CADM2: variants seen among roughly 807,000 people sequenced by gnomAD.
CADM2 encodes the protein immunoglobulin superfamily member 4D.
A neutral mutation model predicts 49.8 loss-of-function variants in CADM2; 12 were observed. The observed-to-expected ratio is 0.24, with a 90% confidence interval of 0.15 to 0.39. The LOEUF (loss-of-function observed/expected upper bound fraction) is 0.39. Among genes scored for constraint, CADM2 ranks in the 10% least tolerant of loss-of-function variants. CADM2 has a pLI of 1.00. For synonymous variants in CADM2, 214 were observed against 175.4 expected (o/e 1.22, Z -1.74); for missense variants, 378 against 492.3 (o/e 0.77, Z 2.20).
intron 8 of CADM2, among the ~76,000 whole-genome samples, chr3:86,062,609 C>A (rs148808675): frequency 6.6e-6 from 1 of 151,560 alleles, no homozygotes; most frequent in Non-Finnish European, 1.5e-5. Context: ...GAAACCCTGT[C>A]TCTACTAAAA....
At chr3:85,528,286 A>C (rs538186664) in intron 1 of CADM2, among the ~76,000 whole-genome samples, 1 of 151,646 alleles carries the variant, frequency 6.6e-6, no homozygotes, top group Non-Finnish European at 1.5e-5. Context: ...AAAGTAGCTT[A>C]GTTCAAGAGT....
intron 5 of CADM2, among the ~76,000 whole-genome samples, chr3:85,907,910 C>CAA (rs1257950513): frequency 2.8e-5 from 3 of 105,756 alleles, no homozygotes; most frequent in East Asian, 2.8e-4. Context: ...GACTCTGTCT[C>CAA]AAAAAAAAAA....
At chr3:86,062,134 C>A (rs1389007187) in intron 8 of CADM2, among the ~76,000 whole-genome samples, 6 of 151,988 alleles carry the variant, frequency 3.9e-5, no homozygotes. Flanking sequence ...GATGTATGAA[C>A]AAAAATGATT....
In CADM2 at chr3:85,898,937, G is replaced by GTGTATATATATATATATA. The variant is rs796467067; in HGVS notation, c.529+12611_529+12612insGTATATATATATATATAT. Among the ~76,000 whole-genome samples, 308 of 46,652 alleles carry GTGTATATATATATATATA rather than the reference G, an allele frequency of 6.6e-3. 40 individuals are homozygous for GTGTATATATATATATATA. The highest frequency in any genetic ancestry group is 0.025 in the African/African-American group (217 of 8,668). 30.6% of individuals were successfully genotyped at this position (46,652 alleles called of 152,430 possible). On this transcript the variant is annotated intron_variant, in intron 5 of 9. Transcript: ENST00000383699. ...TCATAAAATCCAATTCATTTATTGT[G>GTGTATATATATATATATA]TATATATATATATATATATTTTTTT... is the stretch of plus-strand genomic sequence containing the variant.
At chr3:86,033,906 C>A (rs965472412) in intron 8 of CADM2, among the ~76,000 whole-genome samples, 3 of 150,250 alleles carry the variant, frequency 2.0e-5, no homozygotes, top group Admixed American at 6.7e-5. Context: ...CAATTTTATA[C>A]TTAAACCAGC....
intron 1 of CADM2, among the ~76,000 whole-genome samples, chr3:85,598,148 T>G (rs557956589): frequency 2.6e-5 from 4 of 152,072 alleles, no homozygotes; most frequent in Non-Finnish European, 4.4e-5. Flanking sequence ...ATTCCAGACA[T>G]TGTGCTAACT....
At chr3:85,540,116 T>A (rs1347522062) in intron 1 of CADM2, among the ~76,000 whole-genome samples, 3 of 152,138 alleles carry the variant, frequency 2.0e-5, no homozygotes, top group Non-Finnish European at 4.4e-5. Context: ...TCAGCTTGCA[T>A]ATTATCATGT....
At chr3:85,410,533 T>C (rs2035607707) in intron 1 of CADM2, among the ~76,000 whole-genome samples, 1 of 152,198 alleles carries the variant, frequency 6.6e-6, no homozygotes, top group Non-Finnish European at 1.5e-5. Flanking sequence ...TATTTTCTAC[T>C]GTAATTGTGG....
intron 1 of CADM2, among the ~76,000 whole-genome samples, chr3:85,367,880 A>T (rs1195088875): frequency 1.3e-5 from 2 of 151,886 alleles, no homozygotes; most frequent in Non-Finnish European, 2.9e-5. Flanking sequence ...AGACACGCAG[A>T]TACAGCTGAG....
intron 1 of CADM2, among the ~76,000 whole-genome samples, chr3:85,451,804 G>C (rs563948984): frequency 2.0e-5 from 3 of 152,086 alleles, no homozygotes; most frequent in African/African-American, 7.2e-5. Context: ...GTATTTAGGA[G>C]CACAATAACA....
At chr3:85,097,422 C>A (rs1200847782) in intron 1 of CADM2, among the ~76,000 whole-genome samples, 1 of 152,070 alleles carries the variant, frequency 6.6e-6, no homozygotes. Context: ...GGGTTGGTTC[C>A]AAGTCTTTGC....
At chr3:85,499,439 A>G (rs1181560805) in intron 1 of CADM2, among the ~76,000 whole-genome samples, 13 of 151,998 alleles carry the variant, frequency 8.6e-5, no homozygotes, top group Admixed American at 8.5e-4. Flanking sequence ...AAACTCTGAC[A>G]TTCTCATTGG....
At chr3:85,343,913 G>A (rs2030241141) in intron 1 of CADM2, among the ~76,000 whole-genome samples, 1 of 152,150 alleles carries the variant, frequency 6.6e-6, no homozygotes, top group African/African-American at 2.4e-5. Context: ...TTACTGAGAA[G>A]GCACTGTGTG....
intron 2 of CADM2, among the ~76,000 whole-genome samples, chr3:85,766,132 A>T (rs1343282716): frequency 6.6e-6 from 1 of 152,044 alleles, no homozygotes; most frequent in Non-Finnish European, 1.5e-5. Flanking sequence ...AGTAATACCT[A>T]ATTTTTACAA....
At chr3:85,590,017 T>A (rs1002168534) in intron 1 of CADM2, among the ~76,000 whole-genome samples, 2 of 151,992 alleles carry the variant, frequency 1.3e-5, no homozygotes, top group African/African-American at 4.8e-5. Context: ...GACACTTTTG[T>A]GGAATGTACA....
chr3:85,753,816 A>G (rs957718084), intron 2 of CADM2, among the ~76,000 whole-genome samples: 2 of 152,170 alleles, frequency 1.3e-5, no homozygotes, highest in African/African-American at 4.8e-5. Context: ...CTGCCAGAGA[A>G]GAAAGAATTC....
At chr3:85,815,361 A>T (rs764717659) in intron 3 of CADM2, among the ~76,000 whole-genome samples, 15 of 152,134 alleles carry the variant, frequency 9.9e-5, no homozygotes, top group Non-Finnish European at 1.8e-4. Flanking sequence ...ATACTGGCAA[A>T]CTGTATCCAG....
chr3:85,644,790 A>G (rs2064835624), intron 1 of CADM2, among the ~76,000 whole-genome samples: 1 of 152,186 alleles, frequency 6.6e-6, no homozygotes, highest in Non-Finnish European at 1.5e-5. Flanking sequence ...ATGTATTTTA[A>G]TAACTTTGAA....
chr3:85,782,406 A>T (rs1469964824), intron 2 of CADM2, among the ~76,000 whole-genome samples: 3 of 152,192 alleles, frequency 2.0e-5, no homozygotes, highest in Non-Finnish European at 4.4e-5. Flanking sequence ...GCCGAGTGAG[A>T]TGGCTCATGC....
Sources: gnomAD v4.1 joint callset for allele counts (sites outside exome capture counted in the v4.1 genomes callset) on GRCh38, gnomAD v4.1.1 for gene constraint, MANE v1.5 for transcripts, NCBI Gene and HGNC (gene_info 2026-07-23, HGNC 2026-07-21) for gene names.